The following NALF1 variants were observed in gnomAD, a reference collection of about 807,000 sequenced individuals.
NALF1 encodes family with sequence similarity 155 member A.
Under a neutral mutation model 48.4 loss-of-function variants are expected in NALF1, and 3 were observed. The observed-to-expected ratio is 0.06, with a 90% CI of 0.03 to 0.16. The LOEUF is 0.16. Ranked by LOEUF, NALF1 falls within the 10% of genes least tolerant of loss-of-function variation. The pLI is 1.00. For synonymous variants in NALF1, 262 were observed against 245.7 expected (o/e 1.07, Z -0.62); for missense variants, 526 against 571.5 (o/e 0.92, Z 0.81).
chr13:107,341,583 A>G (rs1253958849), intron 1 of NALF1, among the ~76,000 whole-genome samples: 1 of 151,816 alleles, frequency 6.6e-6, no homozygotes, highest in African/African-American at 2.4e-5. Context: ...GTATATCTAA[A>G]TTGTGCAGTA....
intron 1 of NALF1, among the ~76,000 whole-genome samples, chr13:107,741,178 TGA>T (rs1214946106): frequency 1.3e-5 from 2 of 152,222 alleles, no homozygotes; most frequent in Non-Finnish European, 2.9e-5. Context: ...CATAAAATTC[TGA>T]GACCTATTAT....
chr13:107,847,366 A>C (rs1411554154), intron 1 of NALF1, among the ~76,000 whole-genome samples: 2 of 152,218 alleles, frequency 1.3e-5, no homozygotes, highest in Non-Finnish European at 2.9e-5. Context: ...ATGTGCAAAC[A>C]GTCTTTAAGG....
intron 1 of NALF1, among the ~76,000 whole-genome samples, chr13:107,460,062 A>T (rs1007448542): frequency 5.9e-5 from 9 of 152,218 alleles, no homozygotes; most frequent in Non-Finnish European, 1.2e-4. Flanking sequence ...TATTTCTGAC[A>T]TTCTTTCTGT....
chr13:107,757,049 G>C (rs1469694852), intron 1 of NALF1, among the ~76,000 whole-genome samples: 1 of 152,156 alleles, frequency 6.6e-6, no homozygotes, highest in African/African-American at 2.4e-5. Context: ...ATGTGACTCT[G>C]GACTAAAGAC....
At chr13:107,216,791 G>C (rs187538806) in intron 1 of NALF1, among the ~76,000 whole-genome samples, 1 of 152,238 alleles carries the variant, frequency 6.6e-6, no homozygotes, top group Admixed American at 6.5e-5. Context: ...ACAGGAGAGG[G>C]AATCAGTCTG....
At chr13:107,625,275 T>G (rs1455003303) in intron 1 of NALF1, among the ~76,000 whole-genome samples, 1 of 152,130 alleles carries the variant, frequency 6.6e-6, no homozygotes, top group African/African-American at 2.4e-5. Context: ...GGTTCAATGT[T>G]TTTGATAAAA....
chr13:107,745,390 GTTC>G (rs1279588271), intron 1 of NALF1, among the ~76,000 whole-genome samples: 10 of 152,168 alleles, frequency 6.6e-5, no homozygotes, highest in Non-Finnish European at 1.3e-4. Context: ...TTCAAAAAAT[GTTC>G]TTAAGATTGT....
At chr13:107,385,140 C>G (rs1182773006) in intron 1 of NALF1, among the ~76,000 whole-genome samples, 1 of 152,198 alleles carries the variant, frequency 6.6e-6, no homozygotes. Flanking sequence ...TTTCAAAAAT[C>G]TCTAAAGCTA....
At position 107,866,367 on chromosome 13, in the gene NALF1, C is replaced by CGCTGCT. The variant is rs3832903; in HGVS notation, c.224_229dup (p.Gln75_Gln76dup). Reference sequence around the variant, plus strand: ...CTGCTGCTGCTGCTGCTGCTGCTGCCGCTGCTGCTGCTGGTGCTCCTTGTC... The same window carrying CGCTGCT: ...CTGCTGCTGCTGCTGCTGCTGCTGCCGCTGCTGCTGCTGCTGCTGGTGCTCCTTGTC... On this transcript the variant is annotated inframe_insertion, in exon 1 of 3. Transcript: ENST00000375915. The surrounding 1 kb of genome is among the most constrained non-coding windows in gnomAD (Gnocchi z 4.4). 5.7e-6 allele frequency: 9 copies of CGCTGCT among 1,572,964 alleles called. No individual in the cohort carries two copies. In the African/African-American group the frequency reaches 9.4e-5, roughly 16 times the overall value.
intron 1 of NALF1, among the ~76,000 whole-genome samples, chr13:107,352,000 A>G (rs1306895852): frequency 6.6e-6 from 1 of 152,180 alleles, no homozygotes; most frequent in Non-Finnish European, 1.5e-5. Flanking sequence ...AGCTATGAAT[A>G]TTTATGGAGG....
At chr13:107,503,919 A>C (rs1406535772) in intron 1 of NALF1, among the ~76,000 whole-genome samples, 2 of 135,362 alleles carry the variant, frequency 1.5e-5, no homozygotes, top group Admixed American at 1.5e-4. Flanking sequence ...TCTCACTTAC[A>C]TGTGATTTTT....
In NALF1 at chr13:107,575,636, TTTGCA is replaced by T. The variant is rs1878117367; in HGVS notation, c.915+290041_915+290045del. ...GATGTAGCCCATTTCCCCCACTCCCTTTGCATTCCTCGGGATCCTTTCTCTCCCAT... is the reference window on the plus strand; with the variant it reads ...GATGTAGCCCATTTCCCCCACTCCCTTTCCTCGGGATCCTTTCTCTCCCAT... On this transcript the variant is annotated intron_variant, in intron 1 of 2. Transcript: ENST00000375915. 2.6e-5 allele frequency among the ~76,000 whole-genome samples: 4 copies of T among 152,148 alleles called. No individual in the cohort carries two copies. The South Asian group carries it at 8.3e-4, about 32-fold the overall frequency.
In NALF1 at chr13:107,866,371, G is replaced by GCCT; in HGVS notation, c.225_226insAGG (p.Gln75_Gln76insArg). ...TGCTGCTGCTGCTGCTGCTGCCGCT[G>GCCT]CTGCTGCTGGTGCTCCTTGTCCCGG... On this transcript the variant is annotated inframe_insertion, in exon 1 of 3. Transcript: ENST00000375915. This position sits in a 1 kb window ranked among gnomAD's most constrained non-coding sequence, Gnocchi z 4.4. 6.8e-7 allele frequency: 1 copy of GCCT among 1,479,186 alleles called. No individual in the cohort carries two copies. The highest frequency in any genetic ancestry group is 9.0e-7 in the Non-Finnish European group (1 of 1,112,618). 91.6% of individuals were successfully genotyped at this position (1,479,186 alleles called of 1,614,324 possible). A position where few individuals can be genotyped will look rare whatever the true frequency, so the allele number is the denominator to read the frequency against.
intron 1 of NALF1, among the ~76,000 whole-genome samples, chr13:107,288,793 A>G (rs1375802854): frequency 1.3e-5 from 2 of 151,962 alleles, no homozygotes. Context: ...TCGGCCTCCC[A>G]AATTGCTGGG....
intron 1 of NALF1, among the ~76,000 whole-genome samples, chr13:107,762,748 T>C (rs1301358011): frequency 1.3e-5 from 2 of 152,194 alleles, no homozygotes; most frequent in Non-Finnish European, 2.9e-5. Flanking sequence ...TAGAGATCTG[T>C]TGCACAACAA....
At chr13:107,213,909 C>T (rs983966015) in intron 1 of NALF1, among the ~76,000 whole-genome samples, 5 of 152,054 alleles carry the variant, frequency 3.3e-5, no homozygotes, top group Non-Finnish European at 4.4e-5. Context: ...GTCTGAGAAA[C>T]GGCCAGGTGC....
intron 1 of NALF1, among the ~76,000 whole-genome samples, chr13:107,584,576 A>C (rs954296418): frequency 6.6e-6 from 1 of 152,206 alleles, no homozygotes; most frequent in African/African-American, 2.4e-5. Flanking sequence ...AATGTCAAGT[A>C]TCAGATTATT....
At chr13:107,606,469 G>A (rs574555086) in intron 1 of NALF1, among the ~76,000 whole-genome samples, 5 of 152,070 alleles carry the variant, frequency 3.3e-5, no homozygotes, top group African/African-American at 9.6e-5. Flanking sequence ...GGGTTCAAGC[G>A]ATTCTCCTGC....
intron 1 of NALF1, among the ~76,000 whole-genome samples, chr13:107,364,390 G>A (rs183719276): frequency 6.6e-6 from 1 of 152,330 alleles, no homozygotes; most frequent in Admixed American, 6.5e-5. Context: ...TATACATCCA[G>A]GCTAAGCCTG....
Sources: allele counts gnomAD v4.1 joint callset (sites outside exome capture counted in the v4.1 genomes callset), GRCh38; gene constraint gnomAD v4.1.1; non-coding constraint Gnocchi (gnomAD v3.1); transcripts MANE v1.5; gene names NCBI Gene and HGNC (gene_info 2026-07-23, HGNC 2026-07-21).